Variants in RHOBTB2 observed in about 807,000 individuals in gnomAD.
RHOBTB2 encodes rho-related BTB domain-containing protein 2.
A neutral mutation model predicts 66.5 loss-of-function variants in RHOBTB2; 39 were observed. That is an observed-to-expected ratio of 0.59 (90% CI 0.45 to 0.77). The LOEUF (loss-of-function observed/expected upper bound fraction) is 0.77. RHOBTB2 is among the 30% of genes least tolerant of loss of function. The probability of loss-of-function intolerance (pLI) is 0.00; values close to 1 mark genes in which losing one functional copy is unlikely to be tolerated. For synonymous variants in RHOBTB2, 390 were observed against 395.0 expected, an observed-to-expected ratio of 0.99 and a Z score of 0.15; for missense variants, 755 against 999.1, an observed-to-expected ratio of 0.76 and a Z score of 3.29.
chr8:23,017,782 G>C lies in RHOBTB2; in HGVS notation c.*313G>C. The C allele has an allele frequency of 2.9e-6, 1 of 345,394 alleles. No individual in the cohort carries two copies. The highest frequency in any genetic ancestry group is 4.0e-5 in the Admixed American group (1 of 25,020). The allele number at this position is 345,394 out of a possible 1,614,324, so 21.4% of individuals were successfully genotyped here. On this transcript the variant is annotated 3_prime_UTR_variant, in exon 10 of 10. Coordinates refer to ENST00000251822, the MANE Select transcript of RHOBTB2 (RefSeq NM_015178.3). This position sits in a 1 kb window ranked among gnomAD's most constrained non-coding sequence, Gnocchi z 5.3. ...CTAGAGTCAAAGGGAAAGCCTCCCA[G>C]CCTCCAGGGCTTCTCTGTGTGTCTT...
Position 23,017,207 on chromosome 8 carries a change from T to A in RHOBTB2, c.1967-45T>A. 4 of 1,608,602 alleles carry A rather than the reference T, an allele frequency of 2.5e-6. No homozygotes were observed. The highest frequency in any genetic ancestry group is 3.4e-6 in the Non-Finnish European group (4 of 1,176,554). ...GGGCTGGTGTCCCACGTTCCTCTTG[T>A]CCCTCTGCCTCCTTTCTAACCAAGC... On this transcript the variant is annotated intron_variant, in intron 9 of 9. Transcript: ENST00000251822. The surrounding 1 kb of genome is among the most constrained non-coding windows in gnomAD (Gnocchi z 5.3).
At chr8:23,016,478 C>T (rs1395756720) in intron 9 of RHOBTB2, among the ~76,000 whole-genome samples, 1 of 152,096 alleles carries the variant, frequency 6.6e-6, no homozygotes, top group Non-Finnish European at 1.5e-5. Context: ...GTGGCACAAT[C>T]TCGGCTCACT....
intron 7 of RHOBTB2, among the ~76,000 whole-genome samples, chr8:23,010,897 C>T (rs1811127670): frequency 1.3e-5 from 2 of 152,160 alleles, no homozygotes; most frequent in Admixed American, 6.5e-5. Context: ...GATGGGGTCA[C>T]CTGAGAGGCT....
At chr8:22,999,146 C>T (rs1482890145), upstream of RHOBTB2, 2 of 152,352 alleles carry the variant, frequency 1.3e-5, no homozygotes, top group African/African-American at 4.8e-5. Context: ...CCCTACCCGG[C>T]CCCCGCCCCC....
chr8:22,966,400 A>C, the RHOBTB2 span, among the ~76,000 whole-genome samples: 1 of 152,056 alleles, frequency 6.6e-6, no homozygotes, highest in Non-Finnish European at 1.5e-5. Context: ...CCAACAACAA[A>C]AAAACAAACA....
At chr8:23,002,466 C>A (rs1810811605) in intron 1 of RHOBTB2, among the ~76,000 whole-genome samples, 1 of 152,122 alleles carries the variant, frequency 6.6e-6, no homozygotes, top group South Asian at 2.1e-4. Context: ...CCAAGGCGGG[C>A]AGATCACTTG....
chr8:22,963,343 G>A, the RHOBTB2 span, among the ~76,000 whole-genome samples: 1 of 152,156 alleles, frequency 6.6e-6, no homozygotes, highest in African/African-American at 2.4e-5. Flanking sequence ...CTAAGTATCT[G>A]TTACAGAGAA....
the RHOBTB2 span, among the ~76,000 whole-genome samples, chr8:22,955,380 G>A: frequency 2.0e-5 from 3 of 152,020 alleles, no homozygotes; most frequent in African/African-American, 7.2e-5. Flanking sequence ...TGGGACAACT[G>A]TGGCCCCCGA....
the RHOBTB2 span, among the ~76,000 whole-genome samples, chr8:22,960,368 G>T: frequency 6.7e-6 from 1 of 150,360 alleles, no homozygotes; most frequent in African/African-American, 2.4e-5. Context: ...GCCCAGGCTG[G>T]AGTGCAGTGG....
the RHOBTB2 span, among the ~76,000 whole-genome samples, chr8:22,976,140 T>C: frequency 2.0e-5 from 3 of 151,838 alleles, no homozygotes; most frequent in African/African-American, 4.8e-5. Context: ...AGCGAGACTC[T>C]GTCTCAAAAA....
At chr8:22,965,104 A>G in the RHOBTB2 span, among the ~76,000 whole-genome samples, 1 of 152,200 alleles carries the variant, frequency 6.6e-6, no homozygotes, top group Non-Finnish European at 1.5e-5. Context: ...AGTGTGAGCC[A>G]CCACATCTGG....
At position 23,007,329 on chromosome 8, in the gene RHOBTB2, C is replaced by T. The variant is rs749256694; in HGVS notation, c.1084C>T (p.Leu362Phe). Residue 362 changes from leucine to phenylalanine, a missense_variant, in exon 5 of 10, where the codon CTC (leucine) becomes TTC (phenylalanine). Leu to Phe is a conservative substitution (Grantham distance 22). Coordinates refer to ENST00000251822, the MANE Select transcript of RHOBTB2 (RefSeq NM_015178.3). ...GGCTGGGGGCTCCGGTCCTGCTGGC[C>T]TCCGTGCTTCCACCAGCGACGGGAT... ...DEAGGSGPAG[L>F]RASTSDGILR... The T allele has an allele frequency of 1.9e-6, 3 of 1,613,548 alleles. No individual in the cohort carries two copies. The East Asian group carries it at 6.7e-5, about 36-fold the overall frequency.
chr8:23,012,722 G>A (rs10098328), intron 7 of RHOBTB2, among the ~76,000 whole-genome samples: 1 of 152,088 alleles, frequency 6.6e-6, no homozygotes, highest in East Asian at 1.9e-4. Flanking sequence ...GGGCTCAAGC[G>A]ATCCTCCCAA....
chr8:23,009,508 T>G (rs1489702252), intron 6 of RHOBTB2, among the ~76,000 whole-genome samples: 2 of 152,068 alleles, frequency 1.3e-5, no homozygotes. Flanking sequence ...GCGCGTGGAG[T>G]TCTGAACGTC....
chr8:22,983,883 C>T (rs771994164), upstream of RHOBTB2, among the ~76,000 whole-genome samples: 29 of 152,180 alleles, frequency 1.9e-4, no homozygotes, highest in Admixed American at 4.6e-4. Context: ...TACAGGTGTG[C>T]GCCACCACGC....
In RHOBTB2 at chr8:23,010,064, T is replaced by C. The variant is rs115292174; in HGVS notation, c.1621-474T>C. ...TGCAGGGATGGGAGGGACTGAGGTG[T>C]AGATTGAGGTGACCAGAAGGCCTCC... On this transcript the variant is annotated intron_variant, in intron 6 of 9. Coordinates refer to ENST00000251822, the MANE Select transcript of RHOBTB2 (RefSeq NM_015178.3). Among the ~76,000 whole-genome samples the C allele has an allele frequency of 6.7e-3, 1,026 of 152,134 alleles. 11 individuals carry two copies. The highest frequency in any genetic ancestry group is 0.024 in the African/African-American group (1,000 of 41,498).
the RHOBTB2 span, among the ~76,000 whole-genome samples, chr8:22,953,864 G>A: frequency 6.6e-6 from 1 of 152,314 alleles, no homozygotes; most frequent in African/African-American, 2.4e-5. Context: ...TGAATGGTTG[G>A]TTTGTTTTCC....
chr8:23,017,688 A>C lies in RHOBTB2; in HGVS notation c.*219A>C. On this transcript the variant is annotated 3_prime_UTR_variant, in exon 10 of 10. Transcript: ENST00000251822. The surrounding 1 kb of genome is among the most constrained non-coding windows in gnomAD (Gnocchi z 5.3). ...CCACCTGCAGAGGTCCCCAGACCCA[A>C]AGCAGGACGGGAGACAACTGCTTGG... 1.5e-6 allele frequency: 1 copy of C among 648,754 alleles called. No homozygotes were observed. The highest frequency in any genetic ancestry group is 2.6e-6 in the Non-Finnish European group (1 of 387,742). 40.2% of individuals were successfully genotyped at this position (648,754 alleles called of 1,614,324 possible).
At chr8:22,983,471 T>C (rs1016306777), upstream of RHOBTB2, among the ~76,000 whole-genome samples, 2 of 145,846 alleles carry the variant, frequency 1.4e-5, no homozygotes, top group Non-Finnish European at 3.0e-5. Context: ...GGCAACAAAG[T>C]GAGACCCACC....
Sources: gnomAD v4.1 joint callset for allele counts (sites outside exome capture counted in the v4.1 genomes callset) on GRCh38, gnomAD v4.1.1 for gene constraint, Gnocchi (gnomAD v3.1) non-coding constraint, MANE v1.5 for transcripts, NCBI Gene and HGNC (gene_info 2026-07-23, HGNC 2026-07-21) for gene names.